Variants in YEATS2 observed in about 807,000 individuals in gnomAD.
YEATS2 encodes the protein YEATS domain-containing protein 2.
Under a neutral mutation model 163.2 loss-of-function variants are expected in YEATS2, and 77 were observed. The observed-to-expected ratio is 0.47, with a 90% CI of 0.39 to 0.57. YEATS2 has a LOEUF of 0.57. Among genes scored for constraint, YEATS2 ranks in the 20% least tolerant of loss-of-function variants. The pLI, the probability that YEATS2 is intolerant of heterozygous loss-of-function variation, is 0.00. For synonymous variants in YEATS2, 631 were observed against 645.1 expected (o/e 0.98, Z 0.33); for missense variants, 1,549 against 1,729.8 (o/e 0.90, Z 1.85).
intron 1 of YEATS2, among the ~76,000 whole-genome samples, chr3:183,712,892 C>T (rs1035822459): frequency 2.6e-5 from 4 of 152,104 alleles, no homozygotes; most frequent in Admixed American, 2.6e-4. Context: ...TCACAAGTAG[C>T]TGGGATTACA....
chr3:183,709,330 A>T (rs1714942662), intron 1 of YEATS2, among the ~76,000 whole-genome samples: 1 of 152,088 alleles, frequency 6.6e-6, no homozygotes, highest in African/African-American at 2.4e-5. Context: ...CTATATTTAA[A>T]TTGAAAGCAT....
chr3:183,757,797 T>C (rs1050311967), intron 12 of YEATS2, among the ~76,000 whole-genome samples: 1 of 151,320 alleles, frequency 6.6e-6, no homozygotes, highest in Non-Finnish European at 1.5e-5. Flanking sequence ...AAAGGCTAAA[T>C]TTTAATAGTG....
intron 6 of YEATS2, among the ~76,000 whole-genome samples, chr3:183,725,878 G>C (rs532268080): frequency 3.9e-4 from 59 of 152,232 alleles, no homozygotes; most frequent in Middle Eastern, 3.4e-3. Context: ...AAGTGTGATG[G>C]GTTCCTTTGA....
intron 15 of YEATS2, among the ~76,000 whole-genome samples, chr3:183,769,260 G>A (rs1305091374): frequency 8.7e-6 from 1 of 114,510 alleles, no homozygotes; most frequent in African/African-American, 3.5e-5. Context: ...GGATCCCCAT[G>A]TTGTATAATT....
chr3:183,808,038 C>G lies in YEATS2; in HGVS notation c.4020C>G (p.Ile1340Met). The G allele has an allele frequency of 6.4e-7, 1 of 1,561,182 alleles. No individual in the cohort carries two copies. The highest frequency in any genetic ancestry group is 2.4e-5 in the East Asian group (1 of 41,854). Residue 1340 changes from isoleucine to methionine, a missense_variant, in exon 29 of 31, where the codon ATC becomes ATG. By Grantham distance (10) the Ile-to-Met change is conservative (BLOSUM62 1). Coordinates refer to ENST00000305135, the MANE Select transcript of YEATS2 (RefSeq NM_018023.5). ...TTCTTCTGCTTTTCCAGATTGGGAT[C>G]ACCCTGCAGCCCGTGGCACTCCACA... is the stretch of plus-strand genomic sequence containing the variant. ...FIGDVTQKIG[I>M]TLQPVALHRN...
chr3:183,718,692 T>C (rs982425831), intron 4 of YEATS2, 100 bp downstream of exon 4: 1 of 1,036,914 alleles, frequency 9.6e-7, no homozygotes, highest in Non-Finnish European at 1.4e-6. Context: ...AACATTTCTT[T>C]CTGTTTGTTT....
In YEATS2 at chr3:183,721,993, A is replaced by G. The variant is rs1716544284; in HGVS notation, c.394A>G (p.Thr132Ala). The G allele has an allele frequency of 1.2e-6, 2 of 1,614,190 alleles. No homozygotes were observed. The highest frequency in any genetic ancestry group is 1.7e-6 in the Non-Finnish European group (2 of 1,180,036). ...ATCTCCTGCCAATCAGAGAGCAGAA[A>G]CACCATCAGCCAATCATTCAGAAAG... ...SSSPANQRAE[T>A]PSANHSESDS... Residue 132 changes from threonine to alanine, a missense_variant, in exon 5 of 31, where the codon ACA becomes GCA. Physicochemically the swap from Thr to Ala is moderately conservative, Grantham distance 58 (BLOSUM62 0). Coordinates refer to ENST00000305135, the MANE Select transcript of YEATS2 (RefSeq NM_018023.5).
chr3:183,747,661 T>C lies in YEATS2; in HGVS notation c.925-11T>C, dbSNP rs772460368. On this transcript the variant is annotated splice_polypyrimidine_tract_variant and intron_variant, in intron 8 of 30. Transcript: ENST00000305135. ...GTGAAATTTAACACTCTCCCTTTTG[T>C]CTTTCCATAGCTGGATAGAACTTAT... 1 of 1,610,566 alleles carries C rather than the reference T, an allele frequency of 6.2e-7. No individual in the cohort carries two copies. The highest frequency in any genetic ancestry group is 1.7e-5 in the Admixed American group (1 of 59,962).
chr3:183,755,769 T>TTC (rs1488662340), intron 11 of YEATS2, among the ~76,000 whole-genome samples: 1 of 103,848 alleles, frequency 9.6e-6, no homozygotes, highest in African/African-American at 3.4e-5. Context: ...TTTTTTTTTT[T>TTC]TGAGACAGAG....
rs1462369611 is a variant in YEATS2 at position 183,806,807 on chromosome 3, C to T, written c.3785-59C>T. Reference sequence around the variant, plus strand: ...CCTCAGACCATGGGTCTCTTGGAGACGGAAAGTCCTCTTCCGTTGGCCCCA... The same window carrying T: ...CCTCAGACCATGGGTCTCTTGGAGATGGAAAGTCCTCTTCCGTTGGCCCCA... On this transcript the variant is annotated intron_variant, in intron 27 of 30. Coordinates refer to ENST00000305135, the MANE Select transcript of YEATS2 (RefSeq NM_018023.5). 73 of 1,579,208 alleles carry T rather than the reference C, an allele frequency of 4.6e-5. 2 individuals carry two copies. In the South Asian group the frequency reaches 5.7e-4, roughly 12 times the overall value.
In YEATS2 at chr3:183,807,639, G is replaced by A. The variant is rs1025039640; in HGVS notation, c.4012-391G>A. 31 of 215,316 alleles carry A rather than the reference G, an allele frequency of 1.4e-4. No individual in the cohort carries two copies. The South Asian group carries it at 2.2e-3, about 15-fold the overall frequency. The allele number at this position is 215,316 out of a possible 1,614,324, so 13.3% of individuals were successfully genotyped here. A position where few individuals can be genotyped will look rare whatever the true frequency, so the allele number is the denominator to read the frequency against. On this transcript the variant is annotated intron_variant, in intron 28 of 30. Coordinates refer to ENST00000305135, the MANE Select transcript of YEATS2 (RefSeq NM_018023.5). Reference sequence around the variant, plus strand: ...TGCTCAGGGCCCAAGGTGAAAGACAGTGTGCTTTCATTGGATGCCATGAAG... The same window carrying A: ...TGCTCAGGGCCCAAGGTGAAAGACAATGTGCTTTCATTGGATGCCATGAAG...
At chr3:183,720,825 A>G (rs1345761815) in intron 4 of YEATS2, among the ~76,000 whole-genome samples, 1 of 152,180 alleles carries the variant, frequency 6.6e-6, no homozygotes, top group Non-Finnish European at 1.5e-5. Flanking sequence ...CCGGGGAAGA[A>G]TCTTTCCTTG....
At position 183,800,504 on chromosome 3, in the gene YEATS2, T is replaced by A. The variant is rs1352478457; in HGVS notation, c.3364T>A (p.Ser1122Thr). 1 of 1,614,044 alleles carries A rather than the reference T, an allele frequency of 6.2e-7. No homozygotes were observed. The highest frequency in any genetic ancestry group is 8.5e-7 in the Non-Finnish European group (1 of 1,180,020). Residue 1122 changes from serine (S) to threonine (T), a missense_variant, in exon 24 of 31, where the codon TCT becomes ACT. Transcript: ENST00000305135. ...AGAAACACCTGGACCGAGTTGCCTCTCTCAGGAGGGTCAGACAGCAGTGAA... is the reference window on the plus strand; with the variant it reads ...AGAAACACCTGGACCGAGTTGCCTCACTCAGGAGGGTCAGACAGCAGTGAA... ...EPETPGPSCL[S>T]QEGQTAVKTE...
chr3:183,700,887 G>A (rs991659458), intron 1 of YEATS2, among the ~76,000 whole-genome samples: 132 of 151,852 alleles, frequency 8.7e-4, no homozygotes, highest in African/African-American at 3.1e-3. Context: ...TTGCCAGGGG[G>A]ATGAAGGGAG....
intron 19 of YEATS2, 51 bp from the exon 20 acceptor site, chr3:183,786,074 T>C (rs758995522): frequency 1.5e-5 from 24 of 1,574,906 alleles, no homozygotes; most frequent in Non-Finnish European, 2.0e-5. Context: ...GAATGAGTTA[T>C]GTCTATTATC....
intron 30 of YEATS2, 33 bp downstream of exon 30, chr3:183,809,203 C>T (rs2108545151): frequency 6.2e-7 from 1 of 1,601,984 alleles, no homozygotes; most frequent in East Asian, 2.2e-5. Context: ...TGGTGTGAGG[C>T]TTACACCTCT....
At chr3:183,718,327 A>C (rs747323154) in intron 3 of YEATS2, among the ~76,000 whole-genome samples, 173 bp from the exon 4 acceptor site, 4 of 152,072 alleles carry the variant, frequency 2.6e-5, no homozygotes, top group Non-Finnish European at 4.4e-5. Context: ...TTTCTCTTAA[A>C]TCTTTGCGAA....
intron 16 of YEATS2, 77 bp from the exon 17 acceptor site, chr3:183,773,556 T>G: frequency 7.2e-7 from 1 of 1,379,858 alleles, no homozygotes; most frequent in Non-Finnish European, 9.8e-7. Flanking sequence ...TAAGAATTTA[T>G]TGCCTTGTAT....
Position 183,747,678 on chromosome 3 carries a change from A to G in YEATS2, c.931A>G (p.Arg311Gly), listed in dbSNP as rs762403618. The G allele has an allele frequency of 6.2e-7, 1 of 1,612,910 alleles. No homozygotes were observed. ...IDIIHNLKLD[R>G]TYTGLQTLGA... Reference sequence around the variant, plus strand: ...CCCTTTTGTCTTTCCATAGCTGGATAGAACTTATACTGGCTTGCAGACTCT... The same window carrying G: ...CCCTTTTGTCTTTCCATAGCTGGATGGAACTTATACTGGCTTGCAGACTCT... Residue 311 changes from arginine (R) to glycine (G), a missense_variant, in exon 9 of 31, where the codon AGA becomes GGA. Arg to Gly is a moderately radical substitution (Grantham distance 125). Coordinates refer to ENST00000305135, the MANE Select transcript of YEATS2 (RefSeq NM_018023.5).
Sources: gnomAD v4.1 joint callset for allele counts (sites outside exome capture counted in the v4.1 genomes callset) on GRCh38, gnomAD v4.1.1 for gene constraint, MANE v1.5 for transcripts, NCBI Gene and HGNC (gene_info 2026-07-23, HGNC 2026-07-21) for gene names.